Variants in EVC observed in about 807,000 individuals in gnomAD.
EVC encodes the protein EvC ciliary complex subunit 1.
Under a neutral mutation model 118.9 loss-of-function variants are expected in EVC, and 116 were observed. That is an observed-to-expected ratio of 0.98 (90% CI 0.84 to 1.14). The LOEUF is 1.14. Among genes scored for constraint, EVC ranks in the 50% most tolerant of loss-of-function variants. EVC has a pLI of 0.00. For synonymous variants in EVC, 619 were observed against 534.7 expected, an observed-to-expected ratio of 1.16 and a Z score of -2.18; for missense variants, 1,401 against 1,246.4, an observed-to-expected ratio of 1.12 and a Z score of -1.87.
At chr4:5,793,385 T>G (rs934355641) in intron 12 of EVC, 4 of 566,168 alleles carry the variant, frequency 7.1e-6, no homozygotes, top group Non-Finnish European at 1.3e-5. Context: ...TACTTCAATT[T>G]AGAATATTTA....
intron 19 of EVC, 47 bp downstream of exon 19, chr4:5,809,658 G>C: frequency 6.5e-7 from 1 of 1,539,984 alleles, no homozygotes; most frequent in African/African-American, 1.4e-5. Context: ...TCTGGGCTGA[G>C]AGATACGGAT....
rs1251669695 is a variant in EVC at position 5,811,545 on chromosome 4, G to T, written c.*508G>T. On this transcript the variant is annotated 3_prime_UTR_variant, in exon 21 of 21. Coordinates refer to ENST00000264956, the MANE Select transcript of EVC (RefSeq NM_153717.3). ...GCTTCTTCCGGACAGTAGACACCCT[G>T]CCCGTGCAGAGAGATGTCATGGGGG... 1 of 190,042 alleles carries T rather than the reference G, an allele frequency of 5.3e-6. No homozygotes were observed. Among genetic ancestry groups the T allele is most frequent in the Non-Finnish European group, 1.1e-5 (1 of 91,504 alleles). 11.8% of individuals were successfully genotyped at this position (190,042 alleles called of 1,614,324 possible). A position where few individuals can be genotyped will look rare whatever the true frequency, so the allele number is the denominator to read the frequency against.
the EVC span, among the ~76,000 whole-genome samples, chr4:5,823,910 G>A: frequency 6.6e-6 from 1 of 152,278 alleles, no homozygotes; most frequent in East Asian, 1.9e-4. Context: ...ATTAAAAAGG[G>A]CATCTGTGAG....
intron 2 of EVC, among the ~76,000 whole-genome samples, chr4:5,727,040 A>C (rs897414736): frequency 6.6e-6 from 1 of 152,106 alleles, no homozygotes; most frequent in Non-Finnish European, 1.5e-5. Context: ...ATACATGTGC[A>C]TGTGTCTTTA....
In EVC at chr4:5,789,182, GT is replaced by G. The variant is rs368276497; in HGVS notation, c.1777-4424del. ...GATAGGGAACACTAAGTCACATCGT[GT>G]TGCTTCTCTGCAGAACCCCCAATGG... On this transcript the variant is annotated intron_variant, in intron 12 of 20. Transcript: ENST00000264956. The surrounding 1 kb of genome is among the most constrained non-coding windows in gnomAD (Gnocchi z 4.3). 4.1e-3 allele frequency among the ~76,000 whole-genome samples: 627 copies of G among 152,282 alleles called. 1 individual carries two copies. The highest frequency in any genetic ancestry group is 0.014 in the African/African-American group (598 of 41,552).
At chr4:5,773,591 C>T (rs1033530294) in intron 11 of EVC, among the ~76,000 whole-genome samples, 3 of 152,012 alleles carry the variant, frequency 2.0e-5, no homozygotes, top group African/African-American at 4.8e-5. Context: ...GTGTGGGTGC[C>T]GGGAGAGAGA....
In EVC at chr4:5,756,244, A is replaced by C. The variant is rs1434573274; in HGVS notation, c.1465-20A>C. On this transcript the variant is annotated intron_variant, in intron 10 of 20. Coordinates refer to ENST00000264956, the MANE Select transcript of EVC (RefSeq NM_153717.3). This position sits in a 1 kb window ranked among gnomAD's most constrained non-coding sequence, Gnocchi z 4.2. ...AACCCTGCATGTTTCTACCAGACTC[A>C]GCTCTTGTTTTCCTCACAGGCTTTT... The C allele has an allele frequency of 6.3e-7, 1 of 1,588,216 alleles. No individual in the cohort carries two copies. The highest frequency in any genetic ancestry group is 8.6e-7 in the Non-Finnish European group (1 of 1,161,452).
chr4:5,745,900 G>A (rs1014368249), intron 7 of EVC, among the ~76,000 whole-genome samples: 3 of 152,204 alleles, frequency 2.0e-5, no homozygotes, highest in African/African-American at 7.2e-5. Flanking sequence ...GTGAACAGAT[G>A]AGGGCTTCAC....
intron 11 of EVC, among the ~76,000 whole-genome samples, chr4:5,768,374 G>A (rs926976053): frequency 4.6e-5 from 7 of 152,132 alleles, no homozygotes; most frequent in African/African-American, 1.2e-4. Flanking sequence ...GCTGTGGCCC[G>A]TGTAAGAGAT....
chr4:5,790,624 G>A (rs1712601729), intron 12 of EVC, among the ~76,000 whole-genome samples: 1 of 152,296 alleles, frequency 6.6e-6, no homozygotes, highest in Admixed American at 6.5e-5. Flanking sequence ...TTTGGAGACA[G>A]AAAGATGCAG....
intron 12 of EVC, among the ~76,000 whole-genome samples, chr4:5,791,300 T>C (rs907258077): frequency 6.6e-6 from 1 of 152,078 alleles, no homozygotes; most frequent in African/African-American, 2.4e-5. Context: ...CAAAATCCTA[T>C]AGGAGTAGAA....
chr4:5,717,500 C>A (rs1724173547), intron 1 of EVC, among the ~76,000 whole-genome samples: 1 of 152,058 alleles, frequency 6.6e-6, no homozygotes, highest in Admixed American at 6.5e-5. Flanking sequence ...ATATTTTTTC[C>A]TCAATGTCTT....
At chr4:5,793,831 A>G (rs1253910761) in intron 13 of EVC, 114 bp downstream of exon 13, 3 of 794,844 alleles carry the variant, frequency 3.8e-6, no homozygotes, top group Non-Finnish European at 6.5e-6. Context: ...CTTCCTTTGA[A>G]TGTAAATGAC....
intron 1 of EVC, 151 bp downstream of exon 1, chr4:5,711,705 C>G: frequency 1.5e-6 from 1 of 678,048 alleles, no homozygotes; most frequent in Non-Finnish European, 1.9e-6. Flanking sequence ...CCCTTCTGCT[C>G]CAGGAGGGAG....
In EVC at chr4:5,719,114, G is replaced by C; in HGVS notation, c.175-134G>C. On this transcript the variant is annotated intron_variant, in intron 1 of 20. Transcript: ENST00000264956. This position sits in a 1 kb window ranked among gnomAD's most constrained non-coding sequence, Gnocchi z 4.7. ...GCGTCACACACAGAAGACCAAGCTTGAGAAGCACAGAGGCGAGCAGAAGTG... is the reference window on the plus strand; with the variant it reads ...GCGTCACACACAGAAGACCAAGCTTCAGAAGCACAGAGGCGAGCAGAAGTG... 5.0e-6 allele frequency: 6 copies of C among 1,211,506 alleles called. No homozygotes were observed. Among genetic ancestry groups the C allele is most frequent in the Non-Finnish European group, 7.3e-6 (6 of 824,812 alleles). The allele number at this position is 1,211,506 out of a possible 1,614,324, so 75.0% of individuals were successfully genotyped here.
At chr4:5,817,893 G>A (rs541329121), downstream of EVC, among the ~76,000 whole-genome samples, 12 of 152,298 alleles carry the variant, frequency 7.9e-5, no homozygotes, top group African/African-American at 2.4e-4. Flanking sequence ...TTGGCTTTAC[G>A]TAGATGAAGG....
intron 12 of EVC, among the ~76,000 whole-genome samples, chr4:5,792,016 TAACTA>T (rs745667671): frequency 9.2e-5 from 14 of 152,160 alleles, no homozygotes; most frequent in Admixed American, 3.3e-4. Flanking sequence ...CAGAGTAAAA[TAACTA>T]AGCAGAATAT....
At chr4:5,819,182 ACTT>A (rs901220943), downstream of EVC, among the ~76,000 whole-genome samples, 1 of 152,162 alleles carries the variant, frequency 6.6e-6, no homozygotes, top group Non-Finnish European at 1.5e-5. Flanking sequence ...GAAAGATAAA[ACTT>A]CTAGAAAAAA....
chr4:5,769,731 G>A (rs1303325349), intron 11 of EVC, among the ~76,000 whole-genome samples: 2 of 152,126 alleles, frequency 1.3e-5, no homozygotes, highest in Admixed American at 6.5e-5. Context: ...CTGGGAGAAG[G>A]TGGTAAAATC....
Sources: allele counts gnomAD v4.1 joint callset (sites outside exome capture counted in the v4.1 genomes callset), GRCh38; gene constraint gnomAD v4.1.1; non-coding constraint Gnocchi (gnomAD v3.1); transcripts MANE v1.5; gene names NCBI Gene and HGNC (gene_info 2026-07-23, HGNC 2026-07-21).